Variants in ARHGAP44 observed in about 807,000 individuals in gnomAD.
ARHGAP44 encodes the protein rho GTPase-activating protein 44.
A neutral mutation model predicts 106.8 loss-of-function variants in ARHGAP44; 43 were observed. That is an observed-to-expected ratio of 0.40 (90% CI 0.32 to 0.52). ARHGAP44 has a LOEUF of 0.52. Among genes scored for constraint, ARHGAP44 ranks in the 20% least tolerant of loss-of-function variants. The probability of loss-of-function intolerance (pLI) is 0.48; values close to 1 mark genes in which losing one functional copy is unlikely to be tolerated. For synonymous variants in ARHGAP44, 439 were observed against 410.3 expected (o/e 1.07, Z -0.85); for missense variants, 866 against 1,050.5 (o/e 0.82, Z 2.43).
chr17:12,940,690 A>G (rs1026107074), intron 7 of ARHGAP44, among the ~76,000 whole-genome samples: 2 of 152,228 alleles, frequency 1.3e-5, no homozygotes, highest in African/African-American at 2.4e-5. Context: ...AAGAAATGGC[A>G]TTATCAAAAG....
At chr17:12,883,892 A>G (rs909175970) in intron 1 of ARHGAP44, among the ~76,000 whole-genome samples, 2 of 152,140 alleles carry the variant, frequency 1.3e-5, no homozygotes, top group Non-Finnish European at 2.9e-5. Context: ...AGGAATAATG[A>G]CATCTATTGT....
At chr17:12,815,755 T>A (rs1005689414) in intron 1 of ARHGAP44, among the ~76,000 whole-genome samples, 1 of 152,150 alleles carries the variant, frequency 6.6e-6, no homozygotes, top group Non-Finnish European at 1.5e-5. Context: ...TTCCTCTCCT[T>A]TTATTGCTTG....
chr17:12,977,695 T>C (rs2039721166), intron 18 of ARHGAP44, among the ~76,000 whole-genome samples: 1 of 152,096 alleles, frequency 6.6e-6, no homozygotes, highest in African/African-American at 2.4e-5. Context: ...GCACCTATGC[T>C]GGAGAAAGAG....
At chr17:12,959,002 C>A in intron 16 of ARHGAP44, 105 bp downstream of exon 16, 1 of 1,341,190 alleles carries the variant, frequency 7.5e-7, no homozygotes, top group Admixed American at 2.0e-5. Context: ...TGCACTGACT[C>A]TCAGCAGTTT....
intron 1 of ARHGAP44, among the ~76,000 whole-genome samples, chr17:12,808,467 C>T (rs1467076139): frequency 2.6e-5 from 4 of 152,210 alleles, no homozygotes; most frequent in Admixed American, 1.3e-4. Context: ...GGTTTTCAAA[C>T]GTCAGTTCTT....
chr17:12,841,594 T>TCACACACACA (rs545804542), intron 1 of ARHGAP44, among the ~76,000 whole-genome samples: 11 of 126,500 alleles, frequency 8.7e-5, no homozygotes, highest in East Asian at 2.6e-4. Context: ...TGTCTCTCTC[T>TCACACACACA]CACACACACA....
Position 12,949,310 on chromosome 17 carries a change from G to A in ARHGAP44, c.973+59G>A. 6.7e-6 allele frequency: 10 copies of A among 1,499,700 alleles called. No individual in the cohort carries two copies. The highest frequency in any genetic ancestry group is 9.0e-6 in the Non-Finnish European group (10 of 1,107,614). The allele number at this position is 1,499,700 out of a possible 1,614,324, so 92.9% of individuals were successfully genotyped here. ...AGGCTCACAGGGAAGGGGTAGAGGG[G>A]AGGCTGTGTGGCTACAAGTCCAGGA... is the stretch of plus-strand genomic sequence containing the variant. On this transcript the variant is annotated intron_variant, in intron 11 of 20. Transcript: ENST00000379672. This position sits in a 1 kb window ranked among gnomAD's most constrained non-coding sequence, Gnocchi z 4.1.
chr17:12,856,212 A>G (rs1414356202), intron 1 of ARHGAP44, among the ~76,000 whole-genome samples: 1 of 152,128 alleles, frequency 6.6e-6, no homozygotes, highest in Non-Finnish European at 1.5e-5. Context: ...TGGCCCTTAC[A>G]GGTCTAGCCC....
chr17:12,904,107 G>GTT lies in ARHGAP44; in HGVS notation c.199-4783_199-4782dup, dbSNP rs11385327. On this transcript the variant is annotated intron_variant, in intron 3 of 20. Coordinates refer to ENST00000379672, the MANE Select transcript of ARHGAP44 (RefSeq NM_014859.6). ...TTCCTTGTAATTTCTTGATTCTTTT[G>GTT]TTTTTTTTCTTTTTAATTTGAGACA... 1.4e-4 allele frequency among the ~76,000 whole-genome samples: 21 copies of GTT among 151,602 alleles called. No individual in the cohort carries two copies. The South Asian group carries it at 3.5e-3, about 26-fold the overall frequency.
intron 1 of ARHGAP44, among the ~76,000 whole-genome samples, chr17:12,831,900 G>C (rs1206682097): frequency 6.6e-6 from 1 of 152,180 alleles, no homozygotes; most frequent in African/African-American, 2.4e-5. Flanking sequence ...ACCGTGACCT[G>C]TTAGAAACTG....
At chr17:12,946,107 T>C (rs915901676) in intron 10 of ARHGAP44, among the ~76,000 whole-genome samples, 1 of 152,176 alleles carries the variant, frequency 6.6e-6, no homozygotes, top group Non-Finnish European at 1.5e-5. Context: ...GAGAGTTTCA[T>C]GGAAGAAGAT....
At chr17:12,797,199 G>C (rs936435188) in intron 1 of ARHGAP44, among the ~76,000 whole-genome samples, 3 of 151,682 alleles carry the variant, frequency 2.0e-5, no homozygotes, top group Admixed American at 2.0e-4. Context: ...TTATGTCTGG[G>C]GATACTTTGC....
intron 3 of ARHGAP44, among the ~76,000 whole-genome samples, chr17:12,900,913 CTTTTTTTTT>C (rs3074723): frequency 1.9e-5 from 2 of 103,614 alleles, no homozygotes; most frequent in Non-Finnish European, 3.8e-5. Flanking sequence ...GAAAGTTTGG[CTTTTTTTTT>C]TTTTTTTTTT....
intron 1 of ARHGAP44, among the ~76,000 whole-genome samples, chr17:12,868,589 TTTTATATATATATATA>T (rs1231748256): frequency 0.055 from 5,727 of 104,910 alleles, 370 homozygotes; most frequent in South Asian, 0.17. Context: ...TATATATGCA[TTTTATATATATATATA>T]TATATATATA....
chr17:12,933,130 C>T (rs923587174), intron 7 of ARHGAP44, among the ~76,000 whole-genome samples: 8 of 152,058 alleles, frequency 5.3e-5, no homozygotes, highest in Non-Finnish European at 1.2e-4. Flanking sequence ...TGTTGGTTGC[C>T]AACTGTTTTA....
chr17:12,877,063 G>A (rs1194736946), intron 1 of ARHGAP44, among the ~76,000 whole-genome samples: 1 of 152,164 alleles, frequency 6.6e-6, no homozygotes, highest in Non-Finnish European at 1.5e-5. Flanking sequence ...TTTTGTCAGT[G>A]TTGCAAGTTG....
At chr17:12,790,031 C>T (rs2150745305) in intron 1 of ARHGAP44, 140 bp downstream of exon 1, 2 of 763,848 alleles carry the variant, frequency 2.6e-6, no homozygotes, top group Non-Finnish European at 3.9e-6. Context: ...CCAGGCGCCG[C>T]TCGCAGGCGC....
rs1262722527 is a variant in ARHGAP44 at position 12,919,741 on chromosome 17, T to A, written c.388-14T>A. ...CTTCAGTTTAATTGTATCTTTTATG[T>A]TGTGTAACCACAGGTGGAAATCCCA... On this transcript the variant is annotated splice_polypyrimidine_tract_variant and intron_variant, in intron 5 of 20. Transcript: ENST00000379672. The A allele has an allele frequency of 6.2e-7, 1 of 1,606,026 alleles. No homozygotes were observed. Among genetic ancestry groups the A allele is most frequent in the African/African-American group, 1.3e-5 (1 of 74,786 alleles).
rs1231281517 is a variant in ARHGAP44 at position 12,814,850 on chromosome 17, CA to C, written c.53+24965del. Among the ~76,000 whole-genome samples the C allele has an allele frequency of 2.6e-5, 4 of 152,090 alleles. No individual in the cohort carries two copies. In the East Asian group the frequency reaches 7.7e-4, roughly 29 times the overall value. On this transcript the variant is annotated intron_variant, in intron 1 of 20. Coordinates refer to ENST00000379672, the MANE Select transcript of ARHGAP44 (RefSeq NM_014859.6). Reference sequence around the variant, plus strand: ...TGATTTATCTTTCTGAAAAAAACCCCAAAAAACCCCCAAAAAAGCAAAAACC... The same window carrying C: ...TGATTTATCTTTCTGAAAAAAACCCCAAAAACCCCCAAAAAAGCAAAAACC...
Sources: allele counts gnomAD v4.1 joint callset (sites outside exome capture counted in the v4.1 genomes callset), GRCh38; gene constraint gnomAD v4.1.1; non-coding constraint Gnocchi (gnomAD v3.1); transcripts MANE v1.5; gene names NCBI Gene and HGNC (gene_info 2026-07-23, HGNC 2026-07-21).